FHDC1: variants seen among roughly 807,000 people sequenced by gnomAD.
The protein encoded by FHDC1 is FH2 domain containing 1, also known as FH2 domain-containing protein 1.
Under a neutral mutation model 52.6 loss-of-function variants are expected in FHDC1, and 25 were observed. The observed-to-expected ratio is 0.48, with a 90% CI of 0.35 to 0.66. The LOEUF (loss-of-function observed/expected upper bound fraction) is 0.66. Ranked by LOEUF, FHDC1 falls within the 30% of genes least tolerant of loss-of-function variation. The pLI is 0.01. For missense variants in FHDC1, 1,459 were observed against 1,452.8 expected (o/e 1.00, Z -0.07); for synonymous variants, 616 against 581.5 (o/e 1.06, Z -0.85).
At chr4:152,920,005 T>TGG in the FHDC1 span, among the ~76,000 whole-genome samples, 118 of 132,530 alleles carry the variant, frequency 8.9e-4, no homozygotes, top group African/African-American at 3.1e-3. Context: ...TGGAGTGCAG[T>TGG]GGCGCAATCT....
chr4:152,947,061 A>C (rs562226795), intron 2 of FHDC1, among the ~76,000 whole-genome samples: 68 of 152,266 alleles, frequency 4.5e-4, no homozygotes, highest in Non-Finnish European at 8.4e-4. Context: ...TCTACTAAAA[A>C]TACAAACATT....
intron 1 of FHDC1, 105 bp from the exon 2 acceptor site, chr4:152,942,813 CTCATTGATTT>C (rs1175310397): frequency 2.2e-6 from 1 of 446,276 alleles, no homozygotes; most frequent in African/African-American, 2.0e-5. Flanking sequence ...TGTGTTGCCC[CTCATTGATTT>C]TCATATCCAA....
intron 8 of FHDC1, 68 bp from the exon 9 acceptor site, chr4:152,964,837 A>C (rs908013813): frequency 1.5e-6 from 2 of 1,320,724 alleles, no homozygotes; most frequent in African/African-American, 3.0e-5. Context: ...GATTCCTTTA[A>C]GCCCTAAGAA....
the FHDC1 span, among the ~76,000 whole-genome samples, chr4:152,916,286 T>C: frequency 1.3e-5 from 2 of 152,162 alleles, no homozygotes; most frequent in African/African-American, 4.8e-5. Flanking sequence ...TTTTTAGGTA[T>C]GATATTATAT....
In FHDC1 at chr4:152,975,517, C is replaced by G. The variant is rs1579107753; in HGVS notation, c.2226C>G (p.Gly742=). Residue 742 remains glycine (G), a synonymous_variant, in exon 12 of 12, where the codon GGC becomes GGG. Transcript: ENST00000511601. ...GTCTCAGCCCAGCGCTGGAGGATGG[C>G]AAGGCTGCCCCCGATGAGCCTGGAA... is the stretch of plus-strand genomic sequence containing the variant. The part of the protein sequence containing the change: ...LGSLSPALED[G]KAAPDEPGSA... 1.2e-6 allele frequency: 2 copies of G among 1,613,424 alleles called. No individual in the cohort carries two copies. The highest frequency in any genetic ancestry group is 2.7e-5 in the African/African-American group (2 of 74,940).
intron 3 of FHDC1, 106 bp from the exon 4 acceptor site, chr4:152,954,111 G>T: frequency 1.1e-6 from 1 of 898,036 alleles, no homozygotes. Context: ...GTCTGGGAAG[G>T]AGGTGGGTGG....
At chr4:152,968,651 G>A (rs1471867087) in intron 10 of FHDC1, among the ~76,000 whole-genome samples, 1 of 152,148 alleles carries the variant, frequency 6.6e-6, no homozygotes, top group Non-Finnish European at 1.5e-5. Flanking sequence ...TATTTGTTTA[G>A]GGACAGTGCT....
intron 4 of FHDC1, among the ~76,000 whole-genome samples, chr4:152,959,403 T>A (rs1211840479): frequency 6.6e-6 from 1 of 152,264 alleles, no homozygotes; most frequent in Non-Finnish European, 1.5e-5. Context: ...TTGTCAGAAC[T>A]CTTCTCTTTT....
rs1740962789 is a variant in FHDC1, at chr4:152,978,317, T to C, written c.*1594T>C. ...TCTTTGTGTGCTCCCAGCACTTCCT[T>C]CTTTTCTAACATGGCCTGGAGAGAG... On this transcript the variant is annotated 3_prime_UTR_variant, in exon 12 of 12. Coordinates refer to ENST00000511601, the MANE Select transcript of FHDC1 (RefSeq NM_001371116.1). 6.6e-6 allele frequency: 1 copy of C among 152,268 alleles called. No individual in the cohort carries two copies. The highest frequency in any genetic ancestry group is 1.5e-5 in the Non-Finnish European group (1 of 68,056). The allele number at this position is 152,268 out of a possible 1,614,324, so 9.4% of individuals were successfully genotyped here. A position where few individuals can be genotyped will look rare whatever the true frequency, so the allele number is the denominator to read the frequency against.
rs920230802 is a variant in FHDC1, at chr4:152,974,983, G to T, written c.1692G>T (p.Glu564Asp). 6.2e-7 allele frequency: 1 copy of T among 1,612,410 alleles called. No individual in the cohort carries two copies. Among genetic ancestry groups the T allele is most frequent in the East Asian group, 2.2e-5 (1 of 44,880 alleles). ...AGAGCTCCACCGGCAGCCCTGAGGAGCCCAATAAGTTCCACAGCCTGCCCC... is the reference window on the plus strand; with the variant it reads ...AGAGCTCCACCGGCAGCCCTGAGGATCCCAATAAGTTCCACAGCCTGCCCC... ...FLESSTGSPE[E>D]PNKFHSLPRS... is the part of the protein sequence containing the mutation. The change falls in exon 12 of 12, where the codon GAG becomes GAT. Residue 564 changes from glutamate to aspartate, a missense_variant. By Grantham distance (45) the Glu-to-Asp change is conservative. Transcript: ENST00000511601.
rs1273795615 is a variant in FHDC1 at position 152,975,295 on chromosome 4, G to C, written c.2004G>C (p.Leu668=). 1 of 1,613,542 alleles carries C rather than the reference G, an allele frequency of 6.2e-7. No homozygotes were observed. The highest frequency in any genetic ancestry group is 1.3e-5 in the African/African-American group (1 of 74,936). Residue 668 remains leucine (L), a synonymous_variant, in exon 12 of 12, where the codon CTG becomes CTC. Transcript: ENST00000511601. ...AQSPPLSPLA[L]GIKEHELVTG... The stretch of plus-strand genomic sequence containing the variant: ...CCCCTCCTCTCTCGCCATTGGCTCT[G>C]GGAATTAAGGAGCATGAGCTGGTGA...
chr4:152,972,466 C>G lies in FHDC1; in HGVS notation c.1308C>G (p.Asp436Glu), dbSNP rs1302757473. 6.2e-7 allele frequency: 1 copy of G among 1,613,330 alleles called. No homozygotes were observed. The highest frequency in any genetic ancestry group is 1.1e-5 in the South Asian group (1 of 90,930). The stretch of plus-strand genomic sequence containing the variant: ...CCCTTATAGATTTTTTCTGTGAAGA[C>G]AAAAAAACCATGAAACTGGATGAAT... The part of the protein sequence containing the change: ...AYTLIDFFCE[D>E]KKTMKLDECF... Residue 436 changes from aspartate to glutamate, a missense_variant, in exon 11 of 12, where the codon GAC (aspartate) becomes GAG (glutamate). Asp to Glu is a conservative substitution (Grantham distance 45). This residue lies in a region of FHDC1 where 513 missense variants were observed against 581.5 expected (regional missense o/e 0.88). Coordinates refer to ENST00000511601, the MANE Select transcript of FHDC1 (RefSeq NM_001371116.1).
At chr4:152,952,556 A>T (rs1041906072) in intron 2 of FHDC1, among the ~76,000 whole-genome samples, 2 of 152,276 alleles carry the variant, frequency 1.3e-5, no homozygotes, top group Non-Finnish European at 2.9e-5. Context: ...ATACAAATTT[A>T]AAAATACAGT....
intron 9 of FHDC1, among the ~76,000 whole-genome samples, chr4:152,966,786 T>C (rs781518655): frequency 3.3e-5 from 5 of 152,144 alleles, no homozygotes; most frequent in Non-Finnish European, 7.4e-5. Context: ...CTTGATTTGA[T>C]GTATATAACA....
the FHDC1 span, among the ~76,000 whole-genome samples, chr4:152,924,957 A>C: frequency 4.0e-5 from 6 of 151,828 alleles, no homozygotes; most frequent in African/African-American, 1.5e-4. Context: ...ACATGTATAC[A>C]TATGTAACTA....
intron 10 of FHDC1, among the ~76,000 whole-genome samples, chr4:152,969,917 C>T (rs952934755): frequency 6.6e-6 from 1 of 152,174 alleles, no homozygotes; most frequent in Non-Finnish European, 1.5e-5. Context: ...GATCCGCCCA[C>T]CTCCCAAAGT....
In FHDC1 at chr4:152,954,285, G is replaced by T; in HGVS notation, c.629G>T (p.Arg210Leu). The T allele has an allele frequency of 6.2e-7, 1 of 1,614,116 alleles. No individual in the cohort carries two copies. The highest frequency in any genetic ancestry group is 1.6e-4 in the Middle Eastern group (1 of 6,062). The change falls in exon 4 of 12, where the codon CGA (arginine) becomes CTA (leucine). Residue 210 changes from arginine to leucine, a missense_variant. This residue lies in a region of FHDC1 where 513 missense variants were observed against 581.5 expected (regional missense o/e 0.88). Coordinates refer to ENST00000511601, the MANE Select transcript of FHDC1 (RefSeq NM_001371116.1). ...GAGCATTATGGATCAGAGACCTTGC[G>T]AGAATTTCTTAAGTTTTTGCCAGAG... ...KSEHYGSETLREFLKFLPESE... is the reference protein window; with the variant it reads ...KSEHYGSETLLEFLKFLPESE...
intron 1 of FHDC1, among the ~76,000 whole-genome samples, chr4:152,937,836 C>G (rs987208394): frequency 3.3e-5 from 5 of 152,142 alleles, no homozygotes; most frequent in Admixed American, 2.0e-4. Flanking sequence ...CAGCGCGGCT[C>G]CCCGGGGATT....
At chr4:152,928,311 C>T in the FHDC1 span, 1 of 535,440 alleles carries the variant, frequency 1.9e-6, no homozygotes, top group Non-Finnish European at 3.4e-6. Context: ...CCTTTGCCTG[C>T]ATCCTGTGCA....
Sources: gnomAD v4.1 joint callset for allele counts (sites outside exome capture counted in the v4.1 genomes callset) on GRCh38, gnomAD v4.1.1 for gene constraint, gnomAD v4.1.1 regional missense constraint, MANE v1.5 for transcripts, NCBI Gene and HGNC (gene_info 2026-07-23, HGNC 2026-07-21) for gene names.